The following PCDHGB3 variants were observed in gnomAD, a reference collection of about 807,000 sequenced individuals.
PCDHGB3 encodes the protein protocadherin gamma subfamily B, 3, also known as protocadherin gamma-B3.
In PCDHGB3, 40 loss-of-function variants were observed where a neutral mutation model predicts 59.2. The observed-to-expected ratio is 0.68, with a 90% CI of 0.52 to 0.88. The LOEUF (loss-of-function observed/expected upper bound fraction) is 0.88, where lower values mean the gene tolerates loss of function less well. Among genes scored for constraint, PCDHGB3 ranks in the 40% least tolerant of loss-of-function variants. The probability of loss-of-function intolerance (pLI) is 0.00; values close to 1 mark genes in which losing one functional copy is unlikely to be tolerated. For missense variants in PCDHGB3, 1,309 were observed against 1,187.9 expected, an observed-to-expected ratio of 1.10 and a Z score of -1.50; for synonymous variants, 581 against 503.6, an observed-to-expected ratio of 1.15 and a Z score of -2.06.
At chr5:141,478,794 G>A in intron 1 of PCDHGB3, 1 of 1,468,126 alleles carries the variant, frequency 6.8e-7, no homozygotes, top group Non-Finnish European at 9.0e-7. Flanking sequence ...CACATCCTCA[G>A]CACTCTTTTG....
intron 1 of PCDHGB3, chr5:141,422,303 A>AAAAC: frequency 6.5e-7 from 1 of 1,548,740 alleles, no homozygotes; most frequent in Non-Finnish European, 8.7e-7. Flanking sequence ...TCAATTCTGG[A>AAAAC]AAACTCTCCT....
At chr5:141,488,070 C>A (rs777154469) in intron 1 of PCDHGB3, among the ~76,000 whole-genome samples, 3 of 152,076 alleles carry the variant, frequency 2.0e-5, no homozygotes, top group Non-Finnish European at 1.5e-5. Context: ...TCTTTGTCTC[C>A]CAGTATCTAG....
chr5:141,422,156 T>C, intron 1 of PCDHGB3: 2 of 1,573,504 alleles, frequency 1.3e-6, no homozygotes, highest in Non-Finnish European at 8.6e-7. Flanking sequence ...TCTCTGGATT[T>C]TGAAAAATAT....
At chr5:141,422,592 C>T (rs2096658264) in intron 1 of PCDHGB3, 1 of 1,614,090 alleles carries the variant, frequency 6.2e-7, no homozygotes. Flanking sequence ...TTTTTCCTCA[C>T]TCCTCTTACT....
At chr5:141,415,640 T>C in intron 1 of PCDHGB3, 1 of 1,594,726 alleles carries the variant, frequency 6.3e-7, no homozygotes, top group Non-Finnish European at 8.5e-7. Context: ...TTTACTTTTG[T>C]TAAAAAAAAA....
chr5:141,394,491 C>A lies in PCDHGB3; in HGVS notation c.2415+21682C>A, dbSNP rs1477855534. 4 of 1,614,234 alleles carry A rather than the reference C, an allele frequency of 2.5e-6. No homozygotes were observed. The highest frequency in any genetic ancestry group is 2.5e-6 in the Non-Finnish European group (3 of 1,180,046). On this transcript the variant is annotated intron_variant, in intron 1 of 3. Transcript: ENST00000576222. The stretch of plus-strand genomic sequence containing the variant: ...CGTGCTGGACCAGAATGACAACGCG[C>A]CCGAGATCCTGTACCCCGCCCTCCC...
At chr5:141,506,444 CAAAAAAAA>C (rs1219684339) in intron 3 of PCDHGB3, among the ~76,000 whole-genome samples, 24 of 95,024 alleles carry the variant, frequency 2.5e-4, no homozygotes, top group African/African-American at 9.5e-4. Flanking sequence ...CGCTCTGTCT[CAAAAAAAA>C]AAAAAAAAAA....
intron 1 of PCDHGB3, chr5:141,374,488 G>A (rs777789497): frequency 6.2e-7 from 1 of 1,611,190 alleles, no homozygotes; most frequent in East Asian, 2.2e-5. Flanking sequence ...GATTCTTAAA[G>A]GAAGAATTGG....
intron 1 of PCDHGB3, chr5:141,413,956 G>A (rs2095696052): frequency 2.5e-6 from 4 of 1,613,366 alleles, no homozygotes; most frequent in African/African-American, 2.7e-5. Flanking sequence ...GAATTTGCCT[G>A]TGGGCACTCA....
chr5:141,491,571 C>G lies in PCDHGB3; in HGVS notation c.2416-3236C>G. The G allele has an allele frequency of 6.2e-7, 1 of 1,614,026 alleles. No individual in the cohort carries two copies. The highest frequency in any genetic ancestry group is 8.5e-7 in the Non-Finnish European group (1 of 1,180,042). ...CGCAGAGCCACTGCTACAGGACGTG[C>G]TTTTCACCGGCCTCGGACGGCAGTG... On this transcript the variant is annotated intron_variant, in intron 1 of 3. Transcript: ENST00000576222. This position sits in a 1 kb window ranked among gnomAD's most constrained non-coding sequence, Gnocchi z 6.9.
In PCDHGB3 at chr5:141,491,276, A is replaced by G; in HGVS notation, c.2416-3531A>G. The G allele has an allele frequency of 6.2e-7, 1 of 1,614,104 alleles. No individual in the cohort carries two copies. On this transcript the variant is annotated intron_variant, in intron 1 of 3. Coordinates refer to ENST00000576222, the MANE Select transcript of PCDHGB3 (RefSeq NM_018924.5). The surrounding 1 kb of genome is among the most constrained non-coding windows in gnomAD (Gnocchi z 6.9). ...CCTGAGGAAATGCCCAAATCCAGTG[A>G]CTTCCTCATACACCCTCCTGAGCGT...
chr5:141,424,797 C>G (rs1262781875), intron 1 of PCDHGB3: 1 of 151,908 alleles, frequency 6.6e-6, no homozygotes, highest in Non-Finnish European at 1.5e-5. Flanking sequence ...TTATTCAGAC[C>G]AACTTGTTAT....
In PCDHGB3 at chr5:141,431,788, T is replaced by G. The variant is rs775397713; in HGVS notation, c.2415+58979T>G. 1 of 1,614,190 alleles carries G rather than the reference T, an allele frequency of 6.2e-7. No homozygotes were observed. The highest frequency in any genetic ancestry group is 1.1e-5 in the South Asian group (1 of 91,080). ...TCACTGTTCTGGACGTGAACGACAA[T>G]GCCCCAGAAGTGGTCCTCACCTCTC... On this transcript the variant is annotated intron_variant, in intron 1 of 3. Coordinates refer to ENST00000576222, the MANE Select transcript of PCDHGB3 (RefSeq NM_018924.5). The surrounding 1 kb of genome is among the most constrained non-coding windows in gnomAD (Gnocchi z 4.8).
At chr5:141,447,121 T>C (rs1341601610) in intron 1 of PCDHGB3, among the ~76,000 whole-genome samples, 1 of 152,104 alleles carries the variant, frequency 6.6e-6, no homozygotes, top group Non-Finnish European at 1.5e-5. Flanking sequence ...CTCCATGGAT[T>C]TTTTTGTTTG....
chr5:141,491,247 G>A lies in PCDHGB3; in HGVS notation c.2416-3560G>A, dbSNP rs1356752106. ...CAGTGCTGCTGGTTCTGGAGGATGA[G>A]GACCCTGAGGAAATGCCCAAATCCA... On this transcript the variant is annotated intron_variant, in intron 1 of 3. Coordinates refer to ENST00000576222, the MANE Select transcript of PCDHGB3 (RefSeq NM_018924.5). The surrounding 1 kb of genome is among the most constrained non-coding windows in gnomAD (Gnocchi z 6.9). The A allele has an allele frequency of 3.2e-5, 51 of 1,614,192 alleles. No individual in the cohort carries two copies. The highest frequency in any genetic ancestry group is 4.3e-5 in the Non-Finnish European group (51 of 1,180,018).
intron 1 of PCDHGB3, chr5:141,405,281 G>A (rs1001215863): frequency 1.2e-6 from 2 of 1,614,158 alleles, no homozygotes; most frequent in Non-Finnish European, 1.7e-6. Flanking sequence ...CAACTATGCA[G>A]ACACACTCAT....
rs1466708600 is a variant in PCDHGB3 at position 141,372,113 on chromosome 5, G to T, written c.1719G>T (p.Ala573=). The T allele has an allele frequency of 1.9e-6, 3 of 1,613,786 alleles. No homozygotes were observed. Among genetic ancestry groups the T allele is most frequent in the Non-Finnish European group, 2.5e-6 (3 of 1,179,950 alleles). ...LYPALGPEGS[A]LFDMVPRSAE... ...CAGCTCTGGGGCCCGAAGGCTCTGC[G>T]CTCTTCGATATGGTGCCGCGCTCTG... The change falls in exon 1 of 4, where the codon GCG becomes GCT. Residue 573 remains alanine (A), a synonymous_variant. Coordinates refer to ENST00000576222, the MANE Select transcript of PCDHGB3 (RefSeq NM_018924.5).
intron 2 of PCDHGB3, among the ~76,000 whole-genome samples, chr5:141,498,112 AG>A (rs947089103): frequency 2.0e-5 from 3 of 152,232 alleles, no homozygotes; most frequent in African/African-American, 7.2e-5. Flanking sequence ...GGCGTATAAT[AG>A]GGATTTGATT....
At chr5:141,386,253 A>G (rs539545859) in intron 1 of PCDHGB3, among the ~76,000 whole-genome samples, 1 of 152,364 alleles carries the variant, frequency 6.6e-6, no homozygotes, top group Admixed American at 6.5e-5. Context: ...AAATAACCCA[A>G]TCTGGGATTA....
Sources: gnomAD v4.1 joint callset for allele counts (sites outside exome capture counted in the v4.1 genomes callset) on GRCh38, gnomAD v4.1.1 for gene constraint, Gnocchi (gnomAD v3.1) non-coding constraint, MANE v1.5 for transcripts, NCBI Gene and HGNC (gene_info 2026-07-23, HGNC 2026-07-21) for gene names.